Variants in GALNT13 observed in about 807,000 individuals in gnomAD.
GALNT13 encodes polypeptide N-acetylgalactosaminyltransferase 13, also known as UDP-GalNAc:polypeptide N-acetylgalactosaminyltransferase 13.
A neutral mutation model predicts 64.2 loss-of-function variants in GALNT13; 28 were observed. The observed-to-expected ratio is 0.44, with a 90% CI of 0.32 to 0.60. GALNT13 has a LOEUF of 0.60. Among genes scored for constraint, GALNT13 ranks in the 20% least tolerant of loss-of-function variants. GALNT13 has a pLI of 0.05. For synonymous variants in GALNT13, 214 were observed against 224.6 expected, an observed-to-expected ratio of 0.95 and a Z score of 0.42; for missense variants, 577 against 669.8, an observed-to-expected ratio of 0.86 and a Z score of 1.53.
At chr2:153,892,620 A>G (rs1687628402) in intron 1 of GALNT13, among the ~76,000 whole-genome samples, 1 of 152,068 alleles carries the variant, frequency 6.6e-6, no homozygotes, top group African/African-American at 2.4e-5. Context: ...ACAGTGTAGT[A>G]TAAGCTCTCC....
the GALNT13 span, among the ~76,000 whole-genome samples, chr2:153,740,388 T>C: frequency 2.0e-5 from 3 of 152,118 alleles, no homozygotes; most frequent in African/African-American, 7.2e-5. Flanking sequence ...TTTTAAATTT[T>C]AGATATTATA....
chr2:154,036,634 GTTA>G (rs1186348229), intron 3 of GALNT13, among the ~76,000 whole-genome samples: 16 of 152,052 alleles, frequency 1.1e-4, no homozygotes, highest in Admixed American at 7.9e-4. Context: ...TTTTTTACAC[GTTA>G]TTTTTTAACT....
chr2:153,432,829 C>A, the GALNT13 span, among the ~76,000 whole-genome samples: 3 of 152,028 alleles, frequency 2.0e-5, no homozygotes, highest in Non-Finnish European at 2.9e-5. Context: ...AATAACTTCA[C>A]CTAGATTAAA....
At chr2:153,877,526 A>T (rs1178228992) in intron 1 of GALNT13, among the ~76,000 whole-genome samples, 1 of 152,158 alleles carries the variant, frequency 6.6e-6, no homozygotes, top group African/African-American at 2.4e-5. Context: ...TCTTATATTA[A>T]TTGCCTTGAT....
rs1363819856 is a variant in GALNT13 at position 154,128,677 on chromosome 2, G to A, written c.143-11660G>A. On this transcript the variant is annotated intron_variant, in intron 3 of 12. Transcript: ENST00000392825. ...TAGTGATTAGATATGTGATCACTGA[G>A]GTTAACTGTTAGTTTTGGTAGAACA... Among the ~76,000 whole-genome samples the A allele has an allele frequency of 3.3e-5, 5 of 152,134 alleles. No homozygotes were observed. The East Asian group carries it at 9.6e-4, about 29-fold the overall frequency.
At chr2:153,279,381 T>C in the GALNT13 span, among the ~76,000 whole-genome samples, 5 of 152,142 alleles carry the variant, frequency 3.3e-5, no homozygotes, top group Non-Finnish European at 7.4e-5. Flanking sequence ...TGGCTAGGAC[T>C]TGGTCCTGTA....
At chr2:154,003,944 A>G (rs1012934384) in intron 3 of GALNT13, among the ~76,000 whole-genome samples, 1 of 152,068 alleles carries the variant, frequency 6.6e-6, no homozygotes, top group Non-Finnish European at 1.5e-5. Context: ...AGCCTGTAGA[A>G]CCCTGAGCCA....
the GALNT13 span, among the ~76,000 whole-genome samples, chr2:153,630,778 TATATATATATATATATATATATATATA>T: frequency 1.2e-4 from 1 of 8,154 alleles, no homozygotes; most frequent in African/African-American, 4.1e-4. Context: ...TATATATATA[TATATATATATATATATATATATATATA>T]TATTTTTTTT....
chr2:153,142,544 G>A, the GALNT13 span, among the ~76,000 whole-genome samples: 1 of 151,844 alleles, frequency 6.6e-6, no homozygotes, highest in African/African-American at 2.4e-5. Context: ...CCCAATACCT[G>A]GGAATAATAT....
At chr2:153,396,007 G>T in the GALNT13 span, among the ~76,000 whole-genome samples, 1 of 152,092 alleles carries the variant, frequency 6.6e-6, no homozygotes, top group Non-Finnish European at 1.5e-5. Context: ...ATGTTATATT[G>T]TGAAAATTGC....
the GALNT13 span, among the ~76,000 whole-genome samples, chr2:153,775,967 T>C: frequency 6.6e-5 from 10 of 152,306 alleles, no homozygotes; most frequent in East Asian, 1.9e-3. Flanking sequence ...ACTTTGTCCA[T>C]AATAAATTAT....
At chr2:154,263,823 C>A (rs1690833206) in intron 8 of GALNT13, among the ~76,000 whole-genome samples, 1 of 151,992 alleles carries the variant, frequency 6.6e-6, no homozygotes, top group Non-Finnish European at 1.5e-5. Flanking sequence ...CTAGATTTAC[C>A]ATTCTCCTCG....
chr2:154,207,376 C>T (rs1467664006), intron 4 of GALNT13, among the ~76,000 whole-genome samples: 2 of 152,060 alleles, frequency 1.3e-5, no homozygotes, highest in Admixed American at 1.3e-4. Flanking sequence ...CATTTCCGTA[C>T]CCAATTTTAT....
chr2:154,287,361 C>T (rs1026770475), intron 8 of GALNT13: 1 of 552,664 alleles, frequency 1.8e-6, no homozygotes, highest in Non-Finnish European at 3.4e-6. Flanking sequence ...TTCCAGCTCT[C>T]ATACTCTGGG....
rs763282772 is a variant in GALNT13, at chr2:154,450,535, T to C, written c.1655T>C (p.Met552Thr). The change falls in exon 13 of 13, where the codon ATG becomes ACG. Residue 552 changes from methionine (M) to threonine (T), a missense_variant. Physicochemically the swap from Met to Thr is moderately conservative, Grantham distance 81. This residue lies in a region of GALNT13 where 232 missense variants were observed against 270.6 expected (regional missense o/e 0.86). Coordinates refer to ENST00000392825, the MANE Select transcript of GALNT13 (RefSeq NM_052917.4). The part of the protein sequence containing the change: ...SRSQQWLLRN[M>T]TLGT ...TCCCAACAGTGGCTGCTAAGGAACA[T>C]GACCTTGGGCACATGAAGATCATGT... 5.0e-6 allele frequency: 8 copies of C among 1,609,208 alleles called. No individual in the cohort carries two copies. In the South Asian group the frequency reaches 7.7e-5, roughly 16 times the overall value.
At chr2:153,381,353 G>A in the GALNT13 span, among the ~76,000 whole-genome samples, 2 of 152,098 alleles carry the variant, frequency 1.3e-5, no homozygotes, top group Admixed American at 6.6e-5. Flanking sequence ...TTAAGGGCTG[G>A]TAGAAGTGGC....
At chr2:153,171,566 A>G in the GALNT13 span, among the ~76,000 whole-genome samples, 1 of 152,182 alleles carries the variant, frequency 6.6e-6, no homozygotes, top group Non-Finnish European at 1.5e-5. Context: ...ATTATACTTC[A>G]TTAGAGAAGT....
the GALNT13 span, among the ~76,000 whole-genome samples, chr2:153,575,096 G>C: frequency 6.6e-6 from 1 of 152,140 alleles, no homozygotes; most frequent in Non-Finnish European, 1.5e-5. Context: ...GCCCAGTAAT[G>C]CTCTGGTTCT....
chr2:154,303,674 T>A (rs1693574114), intron 9 of GALNT13, among the ~76,000 whole-genome samples: 1 of 152,182 alleles, frequency 6.6e-6, no homozygotes, highest in Non-Finnish European at 1.5e-5. Flanking sequence ...TAAACCCATC[T>A]AATGAGATTG....
Sources: gnomAD v4.1 joint callset for allele counts (sites outside exome capture counted in the v4.1 genomes callset) on GRCh38, gnomAD v4.1.1 for gene constraint, gnomAD v4.1.1 regional missense constraint, MANE v1.5 for transcripts, NCBI Gene and HGNC (gene_info 2026-07-23, HGNC 2026-07-21) for gene names.